Variants in METTL22 observed in about 807,000 individuals in gnomAD.
METTL22 encodes the protein methyltransferase-like protein 22.
METTL22 carries 51 observed loss-of-function variants against 48.4 expected under a neutral mutation model. The ratio of observed to expected loss-of-function variants is 1.05; its 90% CI spans 0.84 to 1.33. METTL22 has a LOEUF of 1.33. Ranked by LOEUF, METTL22 falls within the 40% of genes most tolerant of loss-of-function variation. The pLI is 0.00. For missense variants in METTL22, 678 were observed against 526.9 expected, an observed-to-expected ratio of 1.29 and a Z score of -2.81; for synonymous variants, 255 against 214.1, an observed-to-expected ratio of 1.19 and a Z score of -1.67.
At chr16:8,664,482 C>G in the METTL22 span, among the ~76,000 whole-genome samples, 15 of 151,714 alleles carry the variant, frequency 9.9e-5, no homozygotes, top group African/African-American at 3.6e-4. Context: ...GAGATGGGGT[C>G]TTGCTCTGCC....
At position 8,635,252 on chromosome 16, in the gene METTL22, G is replaced by C; in HGVS notation, c.640G>C (p.Ala214Pro). The C allele has an allele frequency of 6.2e-7, 1 of 1,608,608 alleles. No homozygotes were observed. Among genetic ancestry groups the C allele is most frequent in the Non-Finnish European group, 8.5e-7 (1 of 1,177,288 alleles). Reference sequence around the variant, plus strand: ...AGGATGTACAGCGCTGGAGCTCGGGGCCGGCACGGGGCTCGCTAGCATCAT... The same window carrying C: ...AGGATGTACAGCGCTGGAGCTCGGGCCCGGCACGGGGCTCGCTAGCATCAT... ...FRGCTALELG[A>P]GTGLASIIAA... Residue 214 changes from alanine (A) to proline (P), a missense_variant, in exon 5 of 11, where the codon GCC (alanine) becomes CCC (proline). By Grantham distance (27) the Ala-to-Pro change is conservative. Transcript: ENST00000381920.
chr16:8,624,823 C>G (rs1289068995), intron 1 of METTL22, among the ~76,000 whole-genome samples: 1 of 152,180 alleles, frequency 6.6e-6, no homozygotes, highest in Non-Finnish European at 1.5e-5. Flanking sequence ...TGTACCACTG[C>G]ACTCCAGCCT....
chr16:8,622,228 C>T (rs923115985), intron 1 of METTL22, among the ~76,000 whole-genome samples: 1 of 152,204 alleles, frequency 6.6e-6, no homozygotes, highest in Non-Finnish European at 1.5e-5. Context: ...TGGCCTAAAT[C>T]GTCATGGGAT....
the METTL22 span, among the ~76,000 whole-genome samples, chr16:8,657,779 C>A: frequency 6.6e-6 from 1 of 150,746 alleles, no homozygotes; most frequent in Admixed American, 6.6e-5. Context: ...AGGGCGGGTC[C>A]TAAATCTAAT....
chr16:8,641,089 T>A (rs751611242), intron 6 of METTL22, 42 bp from the exon 7 acceptor site: 28 of 1,574,306 alleles, frequency 1.8e-5, no homozygotes, highest in Non-Finnish European at 2.4e-5. Flanking sequence ...TTCCTGATGA[T>A]GTTTAGAGTT....
chr16:8,643,446 T>G (rs1183057054), intron 9 of METTL22, among the ~76,000 whole-genome samples: 1 of 152,170 alleles, frequency 6.6e-6, no homozygotes. Context: ...CTTCATCTTC[T>G]TGAGACACAC....
At position 8,636,835 on chromosome 16, in the gene METTL22, G is replaced by C. The variant is rs192330926; in HGVS notation, c.700+1523G>C. On this transcript the variant is annotated intron_variant, in intron 5 of 10. Coordinates refer to ENST00000381920, the MANE Select transcript of METTL22 (RefSeq NM_024109.4). Reference sequence around the variant, plus strand: ...TGGGTGAGACTATTCTTAAGCTTTTGATGAACATTACCAACTAATTTCTTT... The same window carrying C: ...TGGGTGAGACTATTCTTAAGCTTTTCATGAACATTACCAACTAATTTCTTT... 3.5e-3 allele frequency among the ~76,000 whole-genome samples: 536 copies of C among 152,264 alleles called. 4 individuals are homozygous for C. The highest frequency in any genetic ancestry group is 0.012 in the African/African-American group (518 of 41,552).
At chr16:8,653,410 C>G (rs2056926037), downstream of METTL22, among the ~76,000 whole-genome samples, 1 of 152,198 alleles carries the variant, frequency 6.6e-6, no homozygotes, top group South Asian at 2.1e-4. Flanking sequence ...TCTCTGTCCC[C>G]ACATGGGCAC....
At chr16:8,650,198 C>T (rs1400570840), downstream of METTL22, among the ~76,000 whole-genome samples, 1 of 152,194 alleles carries the variant, frequency 6.6e-6, no homozygotes, top group African/African-American at 2.4e-5. Flanking sequence ...GTGTCATGCA[C>T]CTGTACTCCC....
chr16:8,626,957 C>T (rs886695041), intron 2 of METTL22, among the ~76,000 whole-genome samples: 4 of 151,868 alleles, frequency 2.6e-5, no homozygotes, highest in Non-Finnish European at 4.4e-5. Context: ...TTGGTAGACA[C>T]AGGGTTTCAC....
At chr16:8,623,659 C>T (rs866283462) in intron 1 of METTL22, 1 of 152,188 alleles carries the variant, frequency 6.6e-6, no homozygotes, top group African/African-American at 2.4e-5. Context: ...CTTTACAACC[C>T]ACTTGCATTT....
chr16:8,642,704 G>A, intron 9 of METTL22, 139 bp downstream of exon 9: 1 of 821,774 alleles, frequency 1.2e-6, no homozygotes, highest in Non-Finnish European at 2.1e-6. Context: ...CCAGGTCTGT[G>A]CTCATCCTTT....
chr16:8,631,251 T>C (rs1053908468), intron 3 of METTL22: 1 of 152,214 alleles, frequency 6.6e-6, no homozygotes, highest in African/African-American at 2.4e-5. Flanking sequence ...TTCCAAGGGA[T>C]TGACAAAACC....
At chr16:8,624,830 G>T (rs948973799) in intron 1 of METTL22, among the ~76,000 whole-genome samples, 3 of 152,154 alleles carry the variant, frequency 2.0e-5, no homozygotes, top group African/African-American at 7.2e-5. Flanking sequence ...CTGCACTCCA[G>T]CCTGGGCAAC....
At chr16:8,629,487 G>A (rs560758095) in intron 3 of METTL22, among the ~76,000 whole-genome samples, 1 of 152,208 alleles carries the variant, frequency 6.6e-6, no homozygotes, top group Non-Finnish European at 1.5e-5. Flanking sequence ...TGGGGGTGTG[G>A]GACAGGCTTG....
In METTL22 at chr16:8,644,374, C is replaced by G. The variant is rs911076952; in HGVS notation, c.1011-183C>G. ...GTAAAGTGCTATCCACTTCCACCTC[C>G]TGGGCTGTCGTGCAGATGTAGGAAG... On this transcript the variant is annotated intron_variant, in intron 9 of 10. Transcript: ENST00000381920. The G allele has an allele frequency of 2.6e-5, 15 of 574,548 alleles. No individual in the cohort carries two copies. The South Asian group carries it at 3.8e-4, about 15-fold the overall frequency. The allele number at this position is 574,548 out of a possible 1,614,324, so 35.6% of individuals were successfully genotyped here.
At chr16:8,650,526 G>A (rs568241645), downstream of METTL22, among the ~76,000 whole-genome samples, 11 of 152,328 alleles carry the variant, frequency 7.2e-5, no homozygotes, top group South Asian at 2.3e-3. Flanking sequence ...CTAATGTTTG[G>A]TAGCAGACTA....
At chr16:8,629,944 C>T (rs1012256702) in intron 3 of METTL22, among the ~76,000 whole-genome samples, 26 of 152,252 alleles carry the variant, frequency 1.7e-4, no homozygotes, top group Admixed American at 1.6e-3. Flanking sequence ...AAAGGCCTAG[C>T]GCCATGCTGC....
In METTL22 at chr16:8,635,083, G is replaced by T. The variant is rs1030581661; in HGVS notation, c.555+4G>T. 1 of 1,613,868 alleles carries T rather than the reference G, an allele frequency of 6.2e-7. No homozygotes were observed. Among genetic ancestry groups the T allele is most frequent in the African/African-American group, 1.3e-5 (1 of 74,904 alleles). On this transcript the variant is annotated splice_donor_region_variant and intron_variant, in intron 4 of 10. Transcript: ENST00000381920. ...CCTGGAGGATGTTGGCAAGCAGGTG[G>T]GTAGGTCTTGTCCGCTTCCTGTGGC...
Sources: gnomAD v4.1 joint callset for allele counts (sites outside exome capture counted in the v4.1 genomes callset) on GRCh38, gnomAD v4.1.1 for gene constraint, MANE v1.5 for transcripts, NCBI Gene and HGNC (gene_info 2026-07-23, HGNC 2026-07-21) for gene names.